The following PDGFC variants were observed in gnomAD, a reference collection of about 807,000 sequenced individuals.
PDGFC encodes the protein platelet-derived growth factor C.
In PDGFC, 12 loss-of-function variants were observed where a neutral mutation model predicts 35.5. That is an observed-to-expected ratio of 0.34 (90% CI 0.22 to 0.55). The LOEUF (loss-of-function observed/expected upper bound fraction) is 0.55. Ranked by LOEUF, PDGFC falls within the 20% of genes least tolerant of loss-of-function variation. The pLI, the probability that PDGFC is intolerant of heterozygous loss-of-function variation, is 0.91. For synonymous variants in PDGFC, 159 were observed against 148.8 expected (o/e 1.07, Z -0.50); for missense variants, 322 against 412.4 (o/e 0.78, Z 1.90).
chr4:156,963,192 G>A (rs1732382161), intron 1 of PDGFC, among the ~76,000 whole-genome samples: 1 of 152,100 alleles, frequency 6.6e-6, no homozygotes, highest in Non-Finnish European at 1.5e-5. Flanking sequence ...AGCCGGCTGG[G>A]CACAGTGGCT....
intron 1 of PDGFC, among the ~76,000 whole-genome samples, chr4:156,898,156 C>A (rs1208732110): frequency 2.0e-5 from 3 of 152,002 alleles, no homozygotes; most frequent in African/African-American, 7.3e-5. Context: ...TAAAAGAAAC[C>A]CAGAGAGCTC....
At chr4:156,940,778 C>T (rs961839861) in intron 1 of PDGFC, among the ~76,000 whole-genome samples, 2 of 152,074 alleles carry the variant, frequency 1.3e-5, no homozygotes, top group African/African-American at 4.8e-5. Context: ...GGGCTACCTA[C>T]TGTGTGATAT....
intron 2 of PDGFC, among the ~76,000 whole-genome samples, chr4:156,820,822 C>T (rs1028574370): frequency 2.0e-5 from 3 of 151,982 alleles, no homozygotes; most frequent in African/African-American, 7.3e-5. Context: ...AATTTCAAAT[C>T]AAGGTAAAAC....
At chr4:156,845,373 A>G (rs1729302167) in intron 2 of PDGFC, among the ~76,000 whole-genome samples, 1 of 151,708 alleles carries the variant, frequency 6.6e-6, no homozygotes, top group Admixed American at 6.6e-5. Flanking sequence ...ATGTAAGAAA[A>G]TAAATTAAAA....
rs1730589702 is a variant in PDGFC at position 156,768,101 on chromosome 4, T to A, written c.704-111A>T. On this transcript the variant is annotated intron_variant, in intron 4 of 5. Coordinates refer to ENST00000502773, the MANE Select transcript of PDGFC (RefSeq NM_016205.3). ...ATCTTACGTTATTTCATGAACAATATCCATAACAATATCCGCTCTTATTGT... is the reference window on the plus strand; with the variant it reads ...ATCTTACGTTATTTCATGAACAATAACCATAACAATATCCGCTCTTATTGT... 18 of 710,054 alleles carry A rather than the reference T, an allele frequency of 2.5e-5. No individual in the cohort carries two copies. In the East Asian group the frequency reaches 4.5e-4, roughly 18 times the overall value. 44.0% of individuals were successfully genotyped at this position (710,054 alleles called of 1,614,324 possible). A position where few individuals can be genotyped will look rare whatever the true frequency, so the allele number is the denominator to read the frequency against.
rs139782319 is a variant in PDGFC, at chr4:156,816,283, G to C, written c.315-5266C>G. ...GTGGATTTTAAAAAGGCCTAGCCCT[G>C]CAAATGTCAACTGGAGTCTAAGCTT... On this transcript the variant is annotated intron_variant, in intron 2 of 5. Transcript: ENST00000502773. Among the ~76,000 whole-genome samples, 262 of 152,258 alleles carry C rather than the reference G, an allele frequency of 1.7e-3. 1 individual carries two copies. The highest frequency in any genetic ancestry group is 5.8e-3 in the African/African-American group (243 of 41,570).
intron 3 of PDGFC, among the ~76,000 whole-genome samples, chr4:156,778,002 G>A (rs1281238881): frequency 6.6e-6 from 1 of 152,154 alleles, no homozygotes; most frequent in African/African-American, 2.4e-5. Flanking sequence ...TACTTGGGAG[G>A]CTGAGGGACA....
intron 1 of PDGFC, among the ~76,000 whole-genome samples, chr4:156,916,069 A>G (rs908121834): frequency 6.6e-6 from 1 of 152,172 alleles, no homozygotes; most frequent in African/African-American, 2.4e-5. Context: ...TGGGAATATT[A>G]AGAAGAACCT....
chr4:156,871,139 C>CAGCT (rs1026776512), intron 1 of PDGFC, among the ~76,000 whole-genome samples: 35 of 152,146 alleles, frequency 2.3e-4, no homozygotes, highest in African/African-American at 8.2e-4. Context: ...TTTATAGGAG[C>CAGCT]AGCTGCAACT....
At chr4:156,918,566 G>A (rs541416529) in intron 1 of PDGFC, among the ~76,000 whole-genome samples, 36 of 152,276 alleles carry the variant, frequency 2.4e-4, no homozygotes, top group South Asian at 1.7e-3. Context: ...TCCGCCTCCC[G>A]TCAGATCAGT....
rs959658361 is a variant in PDGFC at position 156,813,070 on chromosome 4, A to G, written c.315-2053T>C. On this transcript the variant is annotated intron_variant, in intron 2 of 5. Coordinates refer to ENST00000502773, the MANE Select transcript of PDGFC (RefSeq NM_016205.3). The stretch of plus-strand genomic sequence containing the variant: ...TGTGCGGGATGTGGAAGGGTTAGGC[A>G]GTGTATGTGTGTGGTTCGGGGATGG... 2.6e-5 allele frequency among the ~76,000 whole-genome samples: 4 copies of G among 152,196 alleles called. No individual in the cohort carries two copies. In the South Asian group the frequency reaches 8.3e-4, roughly 32 times the overall value.
intron 3 of PDGFC, among the ~76,000 whole-genome samples, chr4:156,802,707 G>C (rs1731648008): frequency 6.6e-6 from 1 of 152,158 alleles, no homozygotes; most frequent in Non-Finnish European, 1.5e-5. Flanking sequence ...TTAGAAAAGA[G>C]ATGAGAGGAA....
chr4:156,845,601 T>A (rs911897514), intron 2 of PDGFC, among the ~76,000 whole-genome samples: 4 of 151,978 alleles, frequency 2.6e-5, no homozygotes, highest in South Asian at 2.1e-4. Flanking sequence ...TATAGACATA[T>A]AAATAAACTA....
chr4:156,839,883 T>TTTTC (rs1378473022), intron 2 of PDGFC, among the ~76,000 whole-genome samples: 2 of 152,112 alleles, frequency 1.3e-5, no homozygotes, highest in African/African-American at 2.4e-5. Flanking sequence ...TTGCTATACT[T>TTTTC]TAGGAAAGAG....
At chr4:156,814,236 G>C (rs1342530975) in intron 2 of PDGFC, among the ~76,000 whole-genome samples, 1 of 152,152 alleles carries the variant, frequency 6.6e-6, no homozygotes, top group Non-Finnish European at 1.5e-5. Flanking sequence ...ATAGAGGGGA[G>C]TAACACAGAC....
intron 1 of PDGFC, among the ~76,000 whole-genome samples, chr4:156,930,800 C>G (rs899422270): frequency 6.6e-6 from 1 of 151,934 alleles, no homozygotes; most frequent in Non-Finnish European, 1.5e-5. Flanking sequence ...CCAGGAAGGC[C>G]GGAGGTTGCA....
chr4:156,871,691 C>T (rs1260234065), intron 1 of PDGFC, among the ~76,000 whole-genome samples: 2 of 151,878 alleles, frequency 1.3e-5, no homozygotes, highest in Non-Finnish European at 2.9e-5. Flanking sequence ...TTAGAATATA[C>T]TATATAAGTA....
chr4:156,928,140 C>T (rs2110866504), intron 1 of PDGFC, among the ~76,000 whole-genome samples: 1 of 152,246 alleles, frequency 6.6e-6, no homozygotes, highest in South Asian at 2.1e-4. Flanking sequence ...TATTTCCCAC[C>T]AGGTCCCTCC....
intron 1 of PDGFC, among the ~76,000 whole-genome samples, chr4:156,941,383 AC>A (rs1453781647): frequency 2.0e-5 from 3 of 152,158 alleles, no homozygotes; most frequent in African/African-American, 7.2e-5. Flanking sequence ...ACGGTCAACA[AC>A]CATGAAAGGT....
Sources: gnomAD v4.1 joint callset for allele counts (sites outside exome capture counted in the v4.1 genomes callset) on GRCh38, gnomAD v4.1.1 for gene constraint, MANE v1.5 for transcripts, NCBI Gene and HGNC (gene_info 2026-07-23, HGNC 2026-07-21) for gene names.